The following SLC6A18 variants were observed in gnomAD, a reference collection of about 807,000 sequenced individuals.
SLC6A18 encodes the protein solute carrier family 6 member 18.
A neutral mutation model predicts 62.9 loss-of-function variants in SLC6A18; 58 were observed. That is an observed-to-expected ratio of 0.92 (90% confidence interval 0.75 to 1.15). SLC6A18 has a LOEUF of 1.15. Among genes scored for constraint, SLC6A18 ranks in the 50% most tolerant of loss-of-function variants. The pLI is 0.00. For synonymous variants in SLC6A18, 382 were observed against 365.8 expected (o/e 1.04, Z -0.51); for missense variants, 793 against 836.6 (o/e 0.95, Z 0.64).
At chr5:1,236,647 T>C (rs1173036097) in intron 4 of SLC6A18, among the ~76,000 whole-genome samples, 2 of 152,158 alleles carry the variant, frequency 1.3e-5, no homozygotes, top group Non-Finnish European at 2.9e-5. Context: ...TCTTTTCAAA[T>C]GACGGTGCTC....
At chr5:1,244,101 C>G (rs1204568469) in intron 9 of SLC6A18, 113 bp from the exon 10 acceptor site, 4 of 900,676 alleles carry the variant, frequency 4.4e-6, no homozygotes, top group Non-Finnish European at 6.8e-6. Flanking sequence ...CCCAGGTGCC[C>G]TGGCCCTCCC....
chr5:1,245,753 G>A (rs1374845651), intron 11 of SLC6A18, 95 bp from the exon 12 acceptor site: 2 of 1,305,288 alleles, frequency 1.5e-6, no homozygotes, highest in Non-Finnish European at 2.1e-6. Flanking sequence ...AGTCCGGGTG[G>A]GCAGGTGGCT....
In SLC6A18 at chr5:1,225,860, C is replaced by G. The variant is rs142683117; in HGVS notation, c.160+223C>G. Among the ~76,000 whole-genome samples the G allele has an allele frequency of 2.6e-5, 4 of 152,334 alleles. No individual in the cohort carries two copies. In the East Asian group the frequency reaches 7.7e-4, roughly 29 times the overall value. On this transcript the variant is annotated intron_variant, in intron 1 of 11. Coordinates refer to ENST00000324642, the MANE Select transcript of SLC6A18 (RefSeq NM_182632.3). ...CACCACTGCCCACAGCACGGAGGAT[C>G]CAGTCCCCTCGGGGTCCACTATGGT...
chr5:1,229,280 C>G (rs1746662054), intron 1 of SLC6A18, among the ~76,000 whole-genome samples: 1 of 151,980 alleles, frequency 6.6e-6, no homozygotes, highest in Non-Finnish European at 1.5e-5. Flanking sequence ...TCACAGAAAA[C>G]CCTCTCATCT....
intron 3 of SLC6A18, among the ~76,000 whole-genome samples, chr5:1,234,414 G>A (rs1224887356): frequency 5.3e-5 from 8 of 152,198 alleles, no homozygotes; most frequent in African/African-American, 1.7e-4. Flanking sequence ...GGTCCTGCCA[G>A]GGTTCCTCCC....
intron 9 of SLC6A18, 34 bp from the exon 10 acceptor site, chr5:1,244,180 C>A: frequency 7.7e-7 from 1 of 1,301,526 alleles, no homozygotes; most frequent in South Asian, 1.2e-5. Context: ...CTCCCCATCC[C>A]CTTACCCCCC....
At chr5:1,230,418 G>T (rs1023595263) in intron 1 of SLC6A18, among the ~76,000 whole-genome samples, 17 of 152,138 alleles carry the variant, frequency 1.1e-4, no homozygotes, top group Admixed American at 3.9e-4. Flanking sequence ...GGGGTGTCAG[G>T]TGCCTCCACC....
chr5:1,243,630 G>A lies in SLC6A18; in HGVS notation c.1207G>A (p.Ala403Thr), dbSNP rs768249532. Residue 403 changes from alanine (A) to threonine (T), a missense_variant, in exon 9 of 12, where the codon GCC (alanine) becomes ACC (threonine). Ala to Thr is a moderately conservative substitution (Grantham distance 58). Transcript: ENST00000324642. This position sits in a 1 kb window ranked among gnomAD's most constrained non-coding sequence, Gnocchi z 6.5. ...DLHMPGAPVW[A>T]MLFFGMLFTL... ...CCACATGCCGGGGGCTCCTGTGTGG[G>A]CCATGCTCTTCTTCGGGATGCTGTT... is the stretch of plus-strand genomic sequence containing the variant. 2 of 1,614,090 alleles carry A rather than the reference G, an allele frequency of 1.2e-6. No individual in the cohort carries two copies. The highest frequency in any genetic ancestry group is 1.7e-6 in the Non-Finnish European group (2 of 1,180,020).
intron 1 of SLC6A18, among the ~76,000 whole-genome samples, chr5:1,228,387 A>G (rs907672988): frequency 2.0e-5 from 3 of 152,060 alleles, no homozygotes; most frequent in Non-Finnish European, 4.4e-5. Context: ...GGGTCTCTCC[A>G]TCATGACCCT....
In SLC6A18 at chr5:1,240,537, C is replaced by T. The variant is rs1747025681; in HGVS notation, c.852C>T (p.Asp284=). The T allele has an allele frequency of 6.2e-7, 1 of 1,614,160 alleles. No homozygotes were observed. Among genetic ancestry groups the T allele is most frequent in the Non-Finnish European group, 8.5e-7 (1 of 1,180,012 alleles). Residue 284 remains aspartate (D), a synonymous_variant, in exon 7 of 12, where the codon GAC becomes GAT. Coordinates refer to ENST00000324642, the MANE Select transcript of SLC6A18 (RefSeq NM_182632.3). ...AFASYNSPRN[D]CQKDAVVIAL... is the part of the protein sequence containing the mutation. ...AGCGTGCGTTTGTGCCCAGGAATGA[C>T]TGCCAGAAGGATGCGGTGGTCATCG...
Position 1,235,511 on chromosome 5 carries a change from C to A in SLC6A18, c.470C>A (p.Ala157Asp). The part of the protein sequence containing the change: ...GFVEECQGSS[A>D]VSYFWYRQTL... ...GTGGAGGAGTGCCAGGGCAGCAGCG[C>A]CGTGAGCTACTTCTGGTACCGGCAG... Residue 157 changes from alanine (A) to aspartate (D), a missense_variant, in exon 4 of 12, where the codon GCC becomes GAC. Ala to Asp is a moderately radical substitution (Grantham distance 126). Transcript: ENST00000324642. The A allele has an allele frequency of 7.4e-6, 12 of 1,614,032 alleles. No individual in the cohort carries two copies. The highest frequency in any genetic ancestry group is 1.0e-5 in the Non-Finnish European group (12 of 1,180,016).
chr5:1,246,095 G>A lies in SLC6A18; in HGVS notation c.*17G>A, dbSNP rs1457576507. On this transcript the variant is annotated 3_prime_UTR_variant, in exon 12 of 12. Transcript: ENST00000324642. Reference sequence around the variant, plus strand: ...ATGCGCTGAAGCCGGCCGGAGCGGGGCCTGCATGGGCGGGTCTGTGGGGGG... The same window carrying A: ...ATGCGCTGAAGCCGGCCGGAGCGGGACCTGCATGGGCGGGTCTGTGGGGGG... The A allele has an allele frequency of 2.6e-6, 4 of 1,543,890 alleles. No individual in the cohort carries two copies. The highest frequency in any genetic ancestry group is 2.4e-5 in the East Asian group (1 of 41,236).
At chr5:1,238,144 AGCGT>A in intron 5 of SLC6A18, 84 bp downstream of exon 5, 1 of 1,114,824 alleles carries the variant, frequency 9.0e-7, no homozygotes, top group Non-Finnish European at 1.4e-6. Flanking sequence ...CTCACCTGGG[AGCGT>A]GAGAGGCCAG....
intron 1 of SLC6A18, among the ~76,000 whole-genome samples, chr5:1,226,317 G>A (rs1053123308): frequency 3.2e-4 from 48 of 152,286 alleles, no homozygotes; most frequent in African/African-American, 9.9e-4. Flanking sequence ...TCCATGTGGC[G>A]ACACAGGATG....
intron 5 of SLC6A18, among the ~76,000 whole-genome samples, chr5:1,238,413 T>A (rs1187719939): frequency 2.5e-5 from 2 of 78,998 alleles, no homozygotes; most frequent in Non-Finnish European, 4.5e-5. Context: ...GGAGTGGGCC[T>A]GGGGCCTCAG....
intron 3 of SLC6A18, among the ~76,000 whole-genome samples, chr5:1,233,200 G>A (rs1048738788): frequency 7.9e-5 from 12 of 152,326 alleles, no homozygotes; most frequent in Non-Finnish European, 1.3e-4. Context: ...ACGTTAGGTC[G>A]GACGCCGTGG....
chr5:1,234,592 C>T (rs1379725997), intron 3 of SLC6A18, among the ~76,000 whole-genome samples: 1 of 152,252 alleles, frequency 6.6e-6, no homozygotes, highest in Non-Finnish European at 1.5e-5. Flanking sequence ...AGTCCTCTCT[C>T]AATGCACACG....
chr5:1,233,759 T>TTTTTTTTTTTTTA (rs1561176464), intron 3 of SLC6A18, among the ~76,000 whole-genome samples: 1 of 151,298 alleles, frequency 6.6e-6, no homozygotes. Flanking sequence ...ATTTTTTTTT[T>TTTTTTTTTTTTTA]GAGACGGAGT....
At position 1,243,904 on chromosome 5, in the gene SLC6A18, T is replaced by C; in HGVS notation, c.1336+145T>C. The stretch of plus-strand genomic sequence containing the variant: ...GGAAAGGCTGAGCCAGGCTACTCCT[T>C]GCTGACAGCCATCAACGGAGAGCCG... On this transcript the variant is annotated intron_variant, in intron 9 of 11. Transcript: ENST00000324642. This position sits in a 1 kb window ranked among gnomAD's most constrained non-coding sequence, Gnocchi z 6.5. 3 of 867,080 alleles carry C rather than the reference T, an allele frequency of 3.5e-6. No homozygotes were observed. The highest frequency in any genetic ancestry group is 5.2e-6 in the Non-Finnish European group (3 of 581,330). The allele number at this position is 867,080 out of a possible 1,614,324, so 53.7% of individuals were successfully genotyped here. A position where few individuals can be genotyped will look rare whatever the true frequency, so the allele number is the denominator to read the frequency against.
Sources: gnomAD v4.1 joint callset for allele counts (sites outside exome capture counted in the v4.1 genomes callset) on GRCh38, gnomAD v4.1.1 for gene constraint, Gnocchi (gnomAD v3.1) non-coding constraint, MANE v1.5 for transcripts, NCBI Gene and HGNC (gene_info 2026-07-23, HGNC 2026-07-21) for gene names.